The following ADAM18 variants were observed in gnomAD, a reference collection of about 807,000 sequenced individuals.
ADAM18 encodes ADAM metallopeptidase domain 18, also known as disintegrin and metalloproteinase domain-containing protein 18.
A neutral mutation model predicts 94.4 loss-of-function variants in ADAM18; 117 were observed. The ratio of observed to expected loss-of-function variants is 1.24; its 90% confidence interval spans 1.07 to 1.45. ADAM18 has a LOEUF of 1.45. Among genes scored for constraint, ADAM18 ranks in the 40% most tolerant of loss-of-function variants. ADAM18 has a pLI of 0.00. For missense variants in ADAM18, 936 were observed against 880.0 expected, an observed-to-expected ratio of 1.06 and a Z score of -0.81; for synonymous variants, 327 against 291.6, an observed-to-expected ratio of 1.12 and a Z score of -1.24.
intron 18 of ADAM18, among the ~76,000 whole-genome samples, chr8:39,718,750 C>T (rs1294452095): frequency 3.5e-5 from 3 of 86,436 alleles, no homozygotes; most frequent in Non-Finnish European, 3.3e-5. Flanking sequence ...CAAAAAATAG[C>T]ATCAGAAAAT....
intron 17 of ADAM18, among the ~76,000 whole-genome samples, chr8:39,705,138 G>T (rs1305064895): frequency 6.6e-6 from 1 of 152,104 alleles, no homozygotes; most frequent in African/African-American, 2.4e-5. Flanking sequence ...TATCAGGGAA[G>T]AGTCTGATGC....
At chr8:39,711,352 A>G (rs1210454177) in intron 18 of ADAM18, among the ~76,000 whole-genome samples, 3 of 152,194 alleles carry the variant, frequency 2.0e-5, no homozygotes, top group Non-Finnish European at 4.4e-5. Flanking sequence ...AACAATGAAA[A>G]TTCACAAGGC....
intron 14 of ADAM18, among the ~76,000 whole-genome samples, chr8:39,673,630 T>C (rs1229353238): frequency 6.6e-6 from 1 of 152,204 alleles, no homozygotes; most frequent in Non-Finnish European, 1.5e-5. Flanking sequence ...CTTTCAGTTC[T>C]GCTCTGATCT....
chr8:39,699,907 A>T (rs988183667), intron 17 of ADAM18, among the ~76,000 whole-genome samples: 1 of 152,202 alleles, frequency 6.6e-6, no homozygotes, highest in Non-Finnish European at 1.5e-5. Context: ...GTACACAACC[A>T]CCTGTGCAAT....
At chr8:39,607,604 A>G (rs1032824500) in intron 3 of ADAM18, among the ~76,000 whole-genome samples, 10 of 152,108 alleles carry the variant, frequency 6.6e-5, no homozygotes, top group African/African-American at 2.4e-4. Context: ...CATTGATCAT[A>G]GTTGACCAGT....
chr8:39,585,446 T>C (rs1161018542), intron 2 of ADAM18, 94 bp downstream of exon 2: 11 of 885,846 alleles, frequency 1.2e-5, no homozygotes, highest in Non-Finnish European at 1.4e-5. Context: ...TTTGTATTCA[T>C]TGCCAAATCA....
chr8:39,598,792 A>G (rs1188553411), intron 2 of ADAM18, among the ~76,000 whole-genome samples: 3 of 151,902 alleles, frequency 2.0e-5, no homozygotes, highest in African/African-American at 7.3e-5. Context: ...ACAACAAAAA[A>G]AAGAAAAGGG....
intron 13 of ADAM18, among the ~76,000 whole-genome samples, 165 bp downstream of exon 13, chr8:39,664,055 TAA>T (rs946776770): frequency 2.6e-5 from 4 of 152,174 alleles, no homozygotes; most frequent in Non-Finnish European, 5.9e-5. Flanking sequence ...CTATAAAATA[TAA>T]AAGTCATCTC....
At chr8:39,606,866 G>T (rs542895863) in intron 3 of ADAM18, among the ~76,000 whole-genome samples, 1 of 152,132 alleles carries the variant, frequency 6.6e-6, no homozygotes, top group African/African-American at 2.4e-5. Flanking sequence ...GTTCTCTGGC[G>T]GGCAGGGGCG....
chr8:39,613,493 A>C (rs1025767332), intron 6 of ADAM18, among the ~76,000 whole-genome samples: 1 of 152,186 alleles, frequency 6.6e-6, no homozygotes, highest in East Asian at 1.9e-4. Flanking sequence ...CCAAAGGACA[A>C]AAACTTTAAA....
intron 12 of ADAM18, among the ~76,000 whole-genome samples, chr8:39,654,812 C>T (rs1820641868): frequency 6.6e-6 from 1 of 151,962 alleles, no homozygotes; most frequent in African/African-American, 2.4e-5. Context: ...ATGTTTTCTT[C>T]ATATATCTGT....
At chr8:39,683,948 G>A (rs1029383229) in intron 16 of ADAM18, among the ~76,000 whole-genome samples, 3 of 152,018 alleles carry the variant, frequency 2.0e-5, no homozygotes, top group African/African-American at 7.2e-5. Flanking sequence ...ACCTGCCTGG[G>A]AAACATAGCG....
intron 6 of ADAM18, among the ~76,000 whole-genome samples, chr8:39,620,275 A>G (rs1050338278): frequency 1.3e-5 from 2 of 151,380 alleles, no homozygotes; most frequent in Non-Finnish European, 2.9e-5. Context: ...TATTAGATGA[A>G]AAGCCTAAAC....
At chr8:39,706,462 AAC>A (rs1429034242) in intron 17 of ADAM18, among the ~76,000 whole-genome samples, 1 of 152,152 alleles carries the variant, frequency 6.6e-6, no homozygotes, top group African/African-American at 2.4e-5. Flanking sequence ...ATTACTAAAT[AAC>A]AGTCATTTAA....
intron 16 of ADAM18, among the ~76,000 whole-genome samples, chr8:39,683,805 A>T (rs1821533460): frequency 6.6e-6 from 1 of 152,170 alleles, no homozygotes; most frequent in Non-Finnish European, 1.5e-5. Flanking sequence ...GCAAGATGGC[A>T]AATATTTTCT....
intron 12 of ADAM18, among the ~76,000 whole-genome samples, chr8:39,653,311 T>TA (rs555708895): frequency 1.3e-5 from 2 of 151,704 alleles, no homozygotes; most frequent in African/African-American, 4.8e-5. Context: ...AATGTATTTT[T>TA]AAAAAAAACA....
chr8:39,618,990 T>C (rs1819527268), intron 6 of ADAM18, among the ~76,000 whole-genome samples: 1 of 152,088 alleles, frequency 6.6e-6, no homozygotes, highest in African/African-American at 2.4e-5. Context: ...GAGCAATAGT[T>C]TCAGGGGGTC....
intron 18 of ADAM18, among the ~76,000 whole-genome samples, chr8:39,717,743 C>T (rs937807604): frequency 6.6e-6 from 1 of 151,564 alleles, no homozygotes; most frequent in Non-Finnish European, 1.5e-5. Context: ...AAGCTCTATA[C>T]AGCAAATGAA....
chr8:39,692,159 A>G (rs896581777), intron 16 of ADAM18, among the ~76,000 whole-genome samples: 3 of 151,896 alleles, frequency 2.0e-5, no homozygotes, highest in Non-Finnish European at 3.0e-5. Flanking sequence ...GGAATCTTAT[A>G]ACAAAGATTC....
Sources: allele counts gnomAD v4.1 joint callset (sites outside exome capture counted in the v4.1 genomes callset), GRCh38; gene constraint gnomAD v4.1.1; transcripts MANE v1.5; gene names NCBI Gene and HGNC (gene_info 2026-07-23, HGNC 2026-07-21).